The following ATP8B4 variants were observed in gnomAD, a reference collection of about 807,000 sequenced individuals.
ATP8B4 encodes probable phospholipid-transporting ATPase IM.
A neutral mutation model predicts 145.6 loss-of-function variants in ATP8B4; 133 were observed. That is an observed-to-expected ratio of 0.91 (90% CI 0.79 to 1.05). The LOEUF (loss-of-function observed/expected upper bound fraction) is 1.05. Among genes scored for constraint, ATP8B4 ranks in the 50% least tolerant of loss-of-function variants. The pLI, the probability that ATP8B4 is intolerant of heterozygous loss-of-function variation, is 0.00. For synonymous variants in ATP8B4, 507 were observed against 492.9 expected, an observed-to-expected ratio of 1.03 and a Z score of -0.38; for missense variants, 1,458 against 1,425.2, an observed-to-expected ratio of 1.02 and a Z score of -0.37.
intron 10 of ATP8B4, among the ~76,000 whole-genome samples, chr15:49,981,542 T>G (rs2046158070): frequency 6.6e-6 from 1 of 152,116 alleles, no homozygotes; most frequent in African/African-American, 2.4e-5. Context: ...AGTTGAAAGG[T>G]TTAAGTGAAG....
At chr15:50,042,940 C>G (rs1942168502) in intron 5 of ATP8B4, among the ~76,000 whole-genome samples, 1 of 152,122 alleles carries the variant, frequency 6.6e-6, no homozygotes, top group African/African-American at 2.4e-5. Context: ...AATAGATGGC[C>G]TAACCATAAT....
chr15:49,901,195 T>A lies in ATP8B4; in HGVS notation c.2186A>T (p.Asn729Ile). Residue 729 changes from asparagine to isoleucine, a missense_variant, in exon 21 of 28, where the codon AAT (asparagine) becomes ATT (isoleucine). Physicochemically the swap from Asn to Ile is moderately radical, Grantham distance 149. Transcript: ENST00000284509. The part of the protein sequence containing the change: ...NLFGQNRNFS[N>I]GHVVCEKKQQ... ...CTTTTTTTCACAAACTACATGGCCA[T>A]TGGAAAAATTTCTGTTTTGTCCAAA... The A allele has an allele frequency of 6.2e-7, 1 of 1,613,476 alleles. No individual in the cohort carries two copies. Among genetic ancestry groups the A allele is most frequent in the Non-Finnish European group, 8.5e-7 (1 of 1,179,616 alleles).
chr15:49,950,615 C>CAA (rs1189915156), intron 14 of ATP8B4, among the ~76,000 whole-genome samples: 16,644 of 79,046 alleles, frequency 0.21, 1,284 homozygotes, highest in East Asian at 0.29. Context: ...AACAAACAAA[C>CAA]AAACAAAAAA....
intron 6 of ATP8B4, among the ~76,000 whole-genome samples, chr15:50,021,184 T>G (rs1238402349): frequency 2.0e-5 from 3 of 151,808 alleles, no homozygotes; most frequent in Non-Finnish European, 2.9e-5. Context: ...CTACTTCTGT[T>G]TATGTCCTTC....
chr15:49,989,560 A>T (rs72734850), intron 9 of ATP8B4, among the ~76,000 whole-genome samples: 159 of 152,252 alleles, frequency 1.0e-3, no homozygotes, highest in South Asian at 3.9e-3. Flanking sequence ...AGCCTTAAAC[A>T]TGTTGGCTTG....
At chr15:50,118,271 T>C (rs2057212019) in intron 1 of ATP8B4, among the ~76,000 whole-genome samples, 1 of 152,196 alleles carries the variant, frequency 6.6e-6, no homozygotes, top group African/African-American at 2.4e-5. Flanking sequence ...TATATGCTAA[T>C]TACACATCGT....
intron 4 of ATP8B4, among the ~76,000 whole-genome samples, chr15:50,044,960 T>C (rs919209978): frequency 2.0e-5 from 3 of 152,216 alleles, no homozygotes; most frequent in Non-Finnish European, 2.9e-5. Context: ...ATGATCACTT[T>C]CTCCAATATG....
intron 1 of ATP8B4, among the ~76,000 whole-genome samples, chr15:50,169,351 C>A (rs56362755): frequency 0.09 from 13,759 of 152,234 alleles, 828 homozygotes; most frequent in African/African-American, 0.16. Flanking sequence ...GTTCACATCA[C>A]AGGACTCTGT....
At position 49,944,393 on chromosome 15, in the gene ATP8B4, T is replaced by G. The variant is rs573281003; in HGVS notation, c.1288-10211A>C. Among the ~76,000 whole-genome samples the G allele has an allele frequency of 3.9e-5, 6 of 152,004 alleles. 1 individual carries two copies. In the South Asian group the frequency reaches 1.2e-3, roughly 32 times the overall value. ...GATGGAAAAAAATATTCCATGAAAA[T>G]GGCAAACAAAAGAGAGAAGAGGTGG... On this transcript the variant is annotated intron_variant, in intron 14 of 27. Coordinates refer to ENST00000284509, the MANE Select transcript of ATP8B4 (RefSeq NM_024837.4).
intron 1 of ATP8B4, among the ~76,000 whole-genome samples, chr15:50,150,238 CA>C (rs2044330763): frequency 6.6e-6 from 1 of 152,062 alleles, no homozygotes; most frequent in South Asian, 2.1e-4. Flanking sequence ...GTATTTTTTG[CA>C]AAAGGCTGTG....
At chr15:50,156,729 A>G (rs1034333989) in intron 1 of ATP8B4, among the ~76,000 whole-genome samples, 19 of 152,328 alleles carry the variant, frequency 1.2e-4, no homozygotes, top group African/African-American at 4.6e-4. Context: ...GTGCAAGAGA[A>G]TGGATAATAA....
intron 14 of ATP8B4, among the ~76,000 whole-genome samples, chr15:49,956,428 C>T (rs1386574054): frequency 6.6e-6 from 1 of 152,022 alleles, no homozygotes; most frequent in Non-Finnish European, 1.5e-5. Context: ...TATTATATGA[C>T]TAGTAAGTTC....
Position 50,156,125 on chromosome 15 carries a change from TTTATATATATATAA to T in ATP8B4, c.-43+26122_-43+26135del, listed in dbSNP as rs1445473525. 6.4e-4 allele frequency among the ~76,000 whole-genome samples: 11 copies of T among 17,250 alleles called. No individual in the cohort carries two copies. The South Asian group carries it at 9.2e-3, about 14-fold the overall frequency. The allele number at this position is 17,250 out of a possible 152,430, so 11.3% of individuals were successfully genotyped here. A position where few individuals can be genotyped will look rare whatever the true frequency, so the allele number is the denominator to read the frequency against. On this transcript the variant is annotated intron_variant, in intron 1 of 3. Transcript: ENST00000558829. ...ATATATAAATATATATATAAATATA[TTTATATATATATAA>T]ATATATATATATATATTTGTTTGCT...
intron 14 of ATP8B4, among the ~76,000 whole-genome samples, chr15:49,950,619 C>CAAA (rs748025885): frequency 7.3e-5 from 8 of 109,970 alleles, no homozygotes; most frequent in African/African-American, 2.7e-4. Context: ...AACAAACAAA[C>CAAA]AAAAAAAACA....
At chr15:49,861,617 A>G (rs865869760) in intron 27 of ATP8B4, among the ~76,000 whole-genome samples, 5 of 152,096 alleles carry the variant, frequency 3.3e-5, no homozygotes, top group Admixed American at 1.3e-4. Flanking sequence ...GCTTTATCTG[A>G]GTCCTGACCT....
In ATP8B4 at chr15:49,860,319, T is replaced by A. The variant is rs1315007685; in HGVS notation, c.3454A>T (p.Asn1152Tyr). Residue 1152 changes from asparagine (N) to tyrosine (Y), a missense_variant, in exon 28 of 28, where the codon AAT becomes TAT. Coordinates refer to ENST00000284509, the MANE Select transcript of ATP8B4 (RefSeq NM_024837.4). Reference sequence around the variant, plus strand: ...TCCAGCCCTGATGTTGGGGGTGGATTTTTAGCTCGCATATTTTTTCCAGAT... The same window carrying A: ...TCCAGCCCTGATGTTGGGGGTGGATATTTAGCTCGCATATTTTTTCCAGAT... The part of the protein sequence containing the change: ...ITSGKNMRAK[N>Y]PPPTSGLEKT... The A allele has an allele frequency of 1.2e-6, 2 of 1,614,138 alleles. No individual in the cohort carries two copies. The highest frequency in any genetic ancestry group is 8.5e-7 in the Non-Finnish European group (1 of 1,180,008).
At chr15:49,988,368 A>G (rs891613248) in intron 9 of ATP8B4, among the ~76,000 whole-genome samples, 2 of 152,184 alleles carry the variant, frequency 1.3e-5, no homozygotes, top group African/African-American at 4.8e-5. Context: ...TAATATACAT[A>G]TCCACTGCAA....
chr15:50,042,903 G>A (rs1474176889), intron 5 of ATP8B4, among the ~76,000 whole-genome samples: 6 of 152,126 alleles, frequency 3.9e-5, no homozygotes, highest in Non-Finnish European at 8.8e-5. Flanking sequence ...AAGAGCCAAT[G>A]GGCCATATAG....
intron 20 of ATP8B4, among the ~76,000 whole-genome samples, chr15:49,915,834 G>GTTTT (rs76351737): frequency 1.4e-5 from 2 of 141,534 alleles, no homozygotes; most frequent in African/African-American, 5.2e-5. Context: ...GATATAGCAG[G>GTTTT]TTTTTTTTTT....
Sources: allele counts gnomAD v4.1 joint callset (sites outside exome capture counted in the v4.1 genomes callset), GRCh38; gene constraint gnomAD v4.1.1; transcripts MANE v1.5; gene names NCBI Gene and HGNC (gene_info 2026-07-23, HGNC 2026-07-21).